The following KCNMA1 variants were observed in gnomAD, a reference collection of about 807,000 sequenced individuals.
KCNMA1 encodes Calcium-activated potassium channel subunit alpha-1.
Under a neutral mutation model 140.0 loss-of-function variants are expected in KCNMA1, and 29 were observed. That is an observed-to-expected ratio of 0.21 (90% confidence interval 0.15 to 0.28). The LOEUF (loss-of-function observed/expected upper bound fraction) is 0.28. KCNMA1 is among the 10% of genes least tolerant of loss of function. The probability of loss-of-function intolerance (pLI) is 1.00; values close to 1 mark genes in which losing one functional copy is unlikely to be tolerated. For synonymous variants in KCNMA1, 612 were observed against 611.9 expected, an observed-to-expected ratio of 1.00 and a Z score of 0.00; for missense variants, 880 against 1,602.2, an observed-to-expected ratio of 0.55 and a Z score of 7.70.
At chr10:77,167,305 T>C (rs1329418208) in intron 5 of KCNMA1, among the ~76,000 whole-genome samples, 3 of 152,138 alleles carry the variant, frequency 2.0e-5, no homozygotes, top group African/African-American at 7.2e-5. Flanking sequence ...ATGACAGGGT[T>C]TCATTCTTTT....
Position 77,119,486 on chromosome 10 carries a change from G to A in KCNMA1, c.884+1487C>T, listed in dbSNP as rs546199446. ...AGGACAAGGCTCTATGCTTGGTGCTGGGTACTCACGCGTTCCATCTTTAAA... is the reference window on the plus strand; with the variant it reads ...AGGACAAGGCTCTATGCTTGGTGCTAGGTACTCACGCGTTCCATCTTTAAA... On this transcript the variant is annotated intron_variant, in intron 6 of 27. Coordinates refer to ENST00000286628, the MANE Select transcript of KCNMA1 (RefSeq NM_001161352.2). Among the ~76,000 whole-genome samples the A allele has an allele frequency of 4.6e-5, 7 of 152,240 alleles. No homozygotes were observed. The South Asian group carries it at 8.3e-4, about 18-fold the overall frequency.
chr10:77,343,235 C>T (rs1197796206), intron 2 of KCNMA1, among the ~76,000 whole-genome samples: 2 of 152,130 alleles, frequency 1.3e-5, no homozygotes, highest in African/African-American at 4.8e-5. Flanking sequence ...GGTAATACCT[C>T]CATGGCCCCT....
At chr10:77,491,714 T>TACACACACACAC (rs3071912) in intron 1 of KCNMA1, among the ~76,000 whole-genome samples, 68 of 145,578 alleles carry the variant, frequency 4.7e-4, no homozygotes, top group African/African-American at 1.4e-3. Context: ...TTAGAAGTCA[T>TACACACACACAC]ACACACACAC....
At chr10:77,623,343 A>G (rs2091864121) in intron 1 of KCNMA1, among the ~76,000 whole-genome samples, 3 of 152,318 alleles carry the variant, frequency 2.0e-5, no homozygotes, top group African/African-American at 7.2e-5. Context: ...TCATAAATCA[A>G]GTATTCAGTA....
In KCNMA1 at chr10:77,476,075, A is replaced by G. The variant is rs191612981; in HGVS notation, c.379-72052T>C. Among the ~76,000 whole-genome samples the G allele has an allele frequency of 2.0e-5, 3 of 152,292 alleles. No individual in the cohort carries two copies. In the East Asian group the frequency reaches 5.8e-4, roughly 29 times the overall value. On this transcript the variant is annotated intron_variant, in intron 1 of 27. Coordinates refer to ENST00000286628, the MANE Select transcript of KCNMA1 (RefSeq NM_001161352.2). ...ACCCCCAAACCTGGATACTTCCTCC[A>G]GGCCGCACGGTGCTGGCCTCCTCCA...
intron 19 of KCNMA1, chr10:76,970,323 C>T: frequency 3.7e-6 from 1 of 273,220 alleles, no homozygotes. Context: ...AAACACCCTG[C>T]CATAAGAAAA....
In KCNMA1 at chr10:77,554,863, G is replaced by A. The variant is rs116695726; in HGVS notation, c.378+82402C>T. 1.6e-3 allele frequency among the ~76,000 whole-genome samples: 248 copies of A among 152,194 alleles called. 1 individual carries two copies. Among genetic ancestry groups the A allele is most frequent in the African/African-American group, 5.8e-3 (240 of 41,530 alleles). On this transcript the variant is annotated intron_variant, in intron 1 of 27. Transcript: ENST00000286628. ...TTTTCTCAAACTAGGCCCTCCTGGG[G>A]GTCTTAGGGAAAGGGGGCAACATTA...
At chr10:77,444,613 CCTCT>C (rs1318006381) in intron 1 of KCNMA1, among the ~76,000 whole-genome samples, 2 of 152,158 alleles carry the variant, frequency 1.3e-5, no homozygotes, top group Middle Eastern at 3.2e-3. Flanking sequence ...ATGCCATATG[CCTCT>C]CTTGTCTCCC....
At position 77,433,024 on chromosome 10, in the gene KCNMA1, G is replaced by T. The variant is rs537110428; in HGVS notation, c.379-29001C>A. Among the ~76,000 whole-genome samples, 253 of 152,200 alleles carry T rather than the reference G, an allele frequency of 1.7e-3. 3 individuals are homozygous for T. The South Asian group carries it at 0.022, about 13-fold the overall frequency. On this transcript the variant is annotated intron_variant, in intron 1 of 27. Coordinates refer to ENST00000286628, the MANE Select transcript of KCNMA1 (RefSeq NM_001161352.2). ...CTGTTCATGAATTTAAAAAGACTCC[G>T]CAACTTCATATTCAGAGAGGAGCAG...
Position 76,886,621 on chromosome 10 carries a change from CA to C in KCNMA1, c.*644del. The C allele has an allele frequency of 4.0e-6, 4 of 989,404 alleles. No individual in the cohort carries two copies. Among genetic ancestry groups the C allele is most frequent in the Non-Finnish European group, 4.8e-6 (4 of 832,488 alleles). 61.3% of individuals were successfully genotyped at this position (989,404 alleles called of 1,614,324 possible). On this transcript the variant is annotated 3_prime_UTR_variant, in exon 28 of 28. Coordinates refer to ENST00000286628, the MANE Select transcript of KCNMA1 (RefSeq NM_001161352.2). Reference sequence around the variant, plus strand: ...CTCCCAGAGGGAACTGGCTCTGGGACAAAAGGCCTTGGTGAGTAACTAAAAA... The same window carrying C: ...CTCCCAGAGGGAACTGGCTCTGGGACAAAGGCCTTGGTGAGTAACTAAAAA...
intron 1 of KCNMA1, among the ~76,000 whole-genome samples, chr10:77,422,218 G>A (rs769293777): frequency 8.5e-5 from 13 of 152,200 alleles, no homozygotes; most frequent in Non-Finnish European, 1.3e-4. Context: ...TTAGAGGAAT[G>A]GGTCTCAAAC....
intron 21 of KCNMA1, chr10:76,952,238 T>C (rs528954893): frequency 2.0e-6 from 3 of 1,475,798 alleles, no homozygotes; most frequent in East Asian, 5.0e-5. Context: ...TGTACATATA[T>C]GGCTGGGTGC....
intron 3 of KCNMA1, among the ~76,000 whole-genome samples, chr10:77,233,215 C>G (rs868458155): frequency 6.6e-6 from 1 of 152,166 alleles, no homozygotes; most frequent in African/African-American, 2.4e-5. Flanking sequence ...ACTCTCAATT[C>G]TATTCCACTG....
intron 5 of KCNMA1, among the ~76,000 whole-genome samples, chr10:77,126,085 T>A: frequency 6.6e-6 from 1 of 152,214 alleles, no homozygotes; most frequent in East Asian, 1.9e-4. Flanking sequence ...GAGGGGGAAC[T>A]CTTTGGTGAC....
rs564854400 is a variant in KCNMA1 at position 76,987,453 on chromosome 10, T to C, written c.2266+13954A>G. Among the ~76,000 whole-genome samples the C allele has an allele frequency of 4.6e-5, 7 of 152,320 alleles. No homozygotes were observed. In the East Asian group the frequency reaches 1.3e-3, roughly 29 times the overall value. On this transcript the variant is annotated intron_variant, in intron 19 of 27. Coordinates refer to ENST00000286628, the MANE Select transcript of KCNMA1 (RefSeq NM_001161352.2). Reference sequence around the variant, plus strand: ...CTAAAAGGCCAGATAGTAAATATTTTGAGCTTTCTGGGCCATACCCTTTTT... The same window carrying C: ...CTAAAAGGCCAGATAGTAAATATTTCGAGCTTTCTGGGCCATACCCTTTTT...
chr10:77,401,747 C>T (rs570436697), intron 2 of KCNMA1, among the ~76,000 whole-genome samples: 2 of 152,122 alleles, frequency 1.3e-5, no homozygotes, highest in African/African-American at 2.4e-5. Flanking sequence ...TATATCTTCC[C>T]GCCATAAAGC....
intron 5 of KCNMA1, among the ~76,000 whole-genome samples, chr10:77,176,859 G>A (rs1328432059): frequency 6.6e-6 from 1 of 152,178 alleles, no homozygotes; most frequent in African/African-American, 2.4e-5. Flanking sequence ...AACGCAGCAG[G>A]CAAATTAAGG....
chr10:77,408,790 G>A (rs1402393462), intron 1 of KCNMA1, among the ~76,000 whole-genome samples: 2 of 152,198 alleles, frequency 1.3e-5, no homozygotes, highest in Non-Finnish European at 2.9e-5. Flanking sequence ...GCAGCTCCCT[G>A]AGAAAGGGAT....
intron 9 of KCNMA1, among the ~76,000 whole-genome samples, chr10:77,094,160 G>A (rs1318708610): frequency 6.6e-6 from 1 of 152,166 alleles, no homozygotes; most frequent in Non-Finnish European, 1.5e-5. Context: ...AAAGTATTCT[G>A]TGGCCTATGC....
Sources: gnomAD v4.1 joint callset for allele counts (sites outside exome capture counted in the v4.1 genomes callset) on GRCh38, gnomAD v4.1.1 for gene constraint, MANE v1.5 for transcripts, NCBI Gene and HGNC (gene_info 2026-07-23, HGNC 2026-07-21) for gene names.